LONRF1: variants seen among roughly 807,000 people sequenced by gnomAD.
The protein encoded by LONRF1 is LON peptidase N-terminal domain and RING finger protein 1.
LONRF1 carries 37 observed loss-of-function variants against 85.8 expected under a neutral mutation model. That is an observed-to-expected ratio of 0.43 (90% CI 0.33 to 0.57). The LOEUF (loss-of-function observed/expected upper bound fraction) is 0.57. Ranked by LOEUF, LONRF1 falls within the 20% of genes least tolerant of loss-of-function variation. The pLI is 0.04. For missense variants in LONRF1, 1,036 were observed against 978.0 expected (o/e 1.06, Z -0.79); for synonymous variants, 517 against 390.1 (o/e 1.33, Z -3.83).
intron 1 of LONRF1, among the ~76,000 whole-genome samples, chr8:12,751,297 T>TTTTTTTTTTTTTTGG (rs1563160546): frequency 2.0e-5 from 1 of 51,172 alleles, no homozygotes; most frequent in Non-Finnish European, 4.6e-5. Flanking sequence ...TATTTTTATG[T>TTTTTTTTTTTTTTGG]TTTTTTTTTT....
In LONRF1 at chr8:12,721,964, C is replaced by CT. The variant is rs1415696455; in HGVS notation, c.*1131dup. The CT allele has an allele frequency of 6.6e-6, 1 of 152,334 alleles. No individual in the cohort carries two copies. Among genetic ancestry groups the CT allele is most frequent in the Non-Finnish European group, 1.5e-5 (1 of 67,972 alleles). 9.4% of individuals were successfully genotyped at this position (152,334 alleles called of 1,614,324 possible). On this transcript the variant is annotated 3_prime_UTR_variant, in exon 12 of 12. Transcript: ENST00000398246. Reference sequence around the variant, plus strand: ...AAGCAAAAGCAAAAATTTTAAGAAACTTTTACAAATTACTTACATAAAAGA... The same window carrying CT: ...AAGCAAAAGCAAAAATTTTAAGAAACTTTTTACAAATTACTTACATAAAAGA...
chr8:12,724,046 A>C (rs144554330), intron 11 of LONRF1, among the ~76,000 whole-genome samples: 383 of 152,316 alleles, frequency 2.5e-3, no homozygotes, highest in African/African-American at 8.9e-3. Flanking sequence ...AGGAGCTACG[A>C]CATCAGTGCT....
At position 12,736,617 on chromosome 8, in the gene LONRF1, T is replaced by C; in HGVS notation, c.1451+84A>G. The C allele has an allele frequency of 4.5e-6, 4 of 895,972 alleles. No individual in the cohort carries two copies. The African/African-American group carries it at 5.2e-5, about 12-fold the overall frequency. The allele number at this position is 895,972 out of a possible 1,614,324, so 55.5% of individuals were successfully genotyped here. On this transcript the variant is annotated intron_variant, in intron 6 of 11. Coordinates refer to ENST00000398246, the MANE Select transcript of LONRF1 (RefSeq NM_152271.5). Reference sequence around the variant, plus strand: ...TATTCCAGCATTGTGTTACTTTACATTGTCTATTATTACCTTTATCTACAC... The same window carrying C: ...TATTCCAGCATTGTGTTACTTTACACTGTCTATTATTACCTTTATCTACAC...
At position 12,737,112 on chromosome 8, in the gene LONRF1, T is replaced by C. The variant is rs986767146; in HGVS notation, c.1142A>G (p.Glu381Gly). 1.9e-6 allele frequency: 3 copies of C among 1,613,006 alleles called. No individual in the cohort carries two copies. In the African/African-American group the frequency reaches 4.0e-5, roughly 22 times the overall value. Reference protein sequence around the residue: ...QSEEIPEVTSEPVKGSLNRAQ... With the variant: ...QSEEIPEVTSGPVKGSLNRAQ... ...ACGGTTTAAGCTTCCTTTGACAGGC[T>C]CTGAAGTGACCTCTGGTATTTCTTC... Residue 381 changes from glutamate (E) to glycine (G), a missense_variant, in exon 5 of 12, where the codon GAG (glutamate) becomes GGG (glycine). Around this residue, in one of 3 missense-constraint regions of LONRF1, gnomAD observed 742 missense variants for 614.4 expected, o/e 1.21. Coordinates refer to ENST00000398246, the MANE Select transcript of LONRF1 (RefSeq NM_152271.5).
chr8:12,737,955 G>A (rs763142579), intron 4 of LONRF1, 40 bp downstream of exon 4: 5 of 1,563,736 alleles, frequency 3.2e-6, no homozygotes, highest in Non-Finnish European at 4.3e-6. Context: ...GTAAAGAAAT[G>A]GATACGCTAA....
chr8:12,747,320 G>A (rs1289153557), intron 1 of LONRF1, among the ~76,000 whole-genome samples: 3 of 152,134 alleles, frequency 2.0e-5, no homozygotes, highest in African/African-American at 7.2e-5. Context: ...AATCATTAGA[G>A]ATCCATGGTT....
chr8:12,753,965 G>A (rs1255435789), intron 1 of LONRF1: 1 of 152,490 alleles, frequency 6.6e-6, no homozygotes, highest in East Asian at 1.9e-4. Flanking sequence ...ATCTGAAACA[G>A]GCCAGCTGAA....
At chr8:12,745,056 A>C (rs1366739487) in intron 1 of LONRF1, among the ~76,000 whole-genome samples, 1 of 152,098 alleles carries the variant, frequency 6.6e-6, no homozygotes, top group African/African-American at 2.4e-5. Context: ...CCGTCTTTGA[A>C]AAAACAAACT....
intron 1 of LONRF1, among the ~76,000 whole-genome samples, chr8:12,752,639 G>A (rs1284870429): frequency 6.6e-6 from 1 of 152,166 alleles, no homozygotes; most frequent in Non-Finnish European, 1.5e-5. Flanking sequence ...ACATCTTTCA[G>A]AGCCTTTTCC....
intron 1 of LONRF1, among the ~76,000 whole-genome samples, chr8:12,748,507 T>C (rs1051393706): frequency 1.4e-4 from 22 of 152,216 alleles, no homozygotes; most frequent in African/African-American, 5.3e-4. Context: ...TAGAAAGTTA[T>C]AAAGATATAC....
chr8:12,740,688 T>A (rs1798897759), intron 3 of LONRF1, among the ~76,000 whole-genome samples, 186 bp downstream of exon 3: 1 of 152,226 alleles, frequency 6.6e-6, no homozygotes, highest in African/African-American at 2.4e-5. Context: ...ATGAAATGTT[T>A]CGATTTCACT....
At chr8:12,738,689 T>C (rs1467627573) in intron 3 of LONRF1, 1 of 152,152 alleles carries the variant, frequency 6.6e-6, no homozygotes, top group African/African-American at 2.4e-5. Context: ...CATGGCAGCT[T>C]CCCTATAATA....
At chr8:12,734,965 C>A (rs1798662907) in intron 7 of LONRF1, among the ~76,000 whole-genome samples, 1 of 151,908 alleles carries the variant, frequency 6.6e-6, no homozygotes, top group African/African-American at 2.4e-5. Flanking sequence ...GGAGGCAGGG[C>A]AATAGGGTTT....
intron 6 of LONRF1, 135 bp downstream of exon 6, chr8:12,736,566 G>A (rs887901401): frequency 5.0e-5 from 31 of 625,276 alleles, no homozygotes; most frequent in Non-Finnish European, 6.9e-5. Context: ...GTAAACCCAG[G>A]ACTAAAATTC....
chr8:12,729,700 T>C (rs1798455373), intron 8 of LONRF1, among the ~76,000 whole-genome samples: 1 of 152,168 alleles, frequency 6.6e-6, no homozygotes, highest in Non-Finnish European at 1.5e-5. Context: ...TAAATACCTT[T>C]TATCCCAAAC....
At chr8:12,746,552 C>T (rs1220655444) in intron 1 of LONRF1, among the ~76,000 whole-genome samples, 1 of 152,226 alleles carries the variant, frequency 6.6e-6, no homozygotes, top group Non-Finnish European at 1.5e-5. Flanking sequence ...TGATCTGGCT[C>T]TTCCACCCAC....
rs780842571 is a variant in LONRF1, at chr8:12,723,150, C to T, written c.2268G>A (p.Arg756=). 3.1e-6 allele frequency: 5 copies of T among 1,613,992 alleles called. No homozygotes were observed. The highest frequency in any genetic ancestry group is 1.3e-5 in the African/African-American group (1 of 74,920). The change falls in exon 12 of 12, where the codon CGG becomes CGA. Residue 756 remains arginine, a synonymous_variant. Transcript: ENST00000398246. ...SVLSMKSLKE[R]LTKIQHILTY... ...TCAGTATATGCTGTATCTTGGTCAA[C>T]CGTTCTTTCAAAGACTTCATTGACA...
chr8:12,736,733 A>G lies in LONRF1; in HGVS notation c.1419T>C (p.Asp473=). 1 of 1,611,440 alleles carries G rather than the reference A, an allele frequency of 6.2e-7. No homozygotes were observed. Among genetic ancestry groups the G allele is most frequent in the Middle Eastern group, 1.7e-4 (1 of 6,008 alleles). ...AYGDIPEELI[D]VSDFECSLCM... is the part of the protein sequence containing the mutation. The stretch of plus-strand genomic sequence containing the variant: ...AGAGAGAACACTCGAAATCTGAGAC[A>G]TCGATTAATTCTTCTGGAATATCAC... The change falls in exon 6 of 12, where the codon GAT becomes GAC. Residue 473 remains aspartate (D), a synonymous_variant. Coordinates refer to ENST00000398246, the MANE Select transcript of LONRF1 (RefSeq NM_152271.5).
At position 12,735,360 on chromosome 8, in the gene LONRF1, A is replaced by C; in HGVS notation, c.1492T>G (p.Phe498Val). The C allele has an allele frequency of 6.2e-7, 1 of 1,607,812 alleles. No individual in the cohort carries two copies. Residue 498 changes from phenylalanine (F) to valine (V), a missense_variant, in exon 7 of 12, where the codon TTC (phenylalanine) becomes GTC (valine). By Grantham distance (50) the Phe-to-Val change is conservative. Coordinates refer to ENST00000398246, the MANE Select transcript of LONRF1 (RefSeq NM_152271.5). The stretch of plus-strand genomic sequence containing the variant: ...CAACGCTCAAGACAATTCTTACAGA[A>C]CGAATGTCCGCAAGGGGTTGTTACT... ...EPVTTPCGHS[F>V]CKNCLERCLD...
Sources: gnomAD v4.1 joint callset for allele counts (sites outside exome capture counted in the v4.1 genomes callset) on GRCh38, gnomAD v4.1.1 for gene constraint, gnomAD v4.1.1 regional missense constraint, MANE v1.5 for transcripts, NCBI Gene and HGNC (gene_info 2026-07-23, HGNC 2026-07-21) for gene names.